The following MYO3B variants were observed in gnomAD, a reference collection of about 807,000 sequenced individuals.
MYO3B encodes myosin IIIB.
A neutral mutation model predicts 174.6 loss-of-function variants in MYO3B; 156 were observed. The ratio of observed to expected loss-of-function variants is 0.89; its 90% CI spans 0.78 to 1.02. The LOEUF (loss-of-function observed/expected upper bound fraction) is 1.02, where lower values mean the gene tolerates loss of function less well. Among genes scored for constraint, MYO3B ranks in the 50% least tolerant of loss-of-function variants. MYO3B has a pLI of 0.00. For synonymous variants in MYO3B, 563 were observed against 569.1 expected, an observed-to-expected ratio of 0.99 and a Z score of 0.15; for missense variants, 1,632 against 1,639.4, an observed-to-expected ratio of 1.00 and a Z score of 0.08.
At chr2:170,463,530 T>C (rs1427583436) in intron 24 of MYO3B, 85 bp downstream of exon 24, 17 of 1,181,942 alleles carry the variant, frequency 1.4e-5, no homozygotes, top group East Asian at 5.0e-5. Flanking sequence ...ATGGAGTCAG[T>C]GAAACAAGGG....
intron 16 of MYO3B, among the ~76,000 whole-genome samples, chr2:170,396,626 G>A (rs553270813): frequency 1.3e-5 from 2 of 152,096 alleles, no homozygotes; most frequent in East Asian, 3.9e-4. Flanking sequence ...TTTTTCTCAG[G>A]GTCATAGATA....
chr2:170,348,900 G>A (rs964714352), intron 8 of MYO3B, among the ~76,000 whole-genome samples: 2 of 152,154 alleles, frequency 1.3e-5, no homozygotes, highest in African/African-American at 4.8e-5. Context: ...CATCTTATAG[G>A]GGCCAAGTGT....
chr2:170,345,708 T>C (rs981424020), intron 8 of MYO3B, among the ~76,000 whole-genome samples: 7 of 151,560 alleles, frequency 4.6e-5, no homozygotes, highest in Non-Finnish European at 1.0e-4. Flanking sequence ...GTTGATGTTC[T>C]CATCCTCAAT....
chr2:170,485,345 G>T (rs13423548), intron 25 of MYO3B, among the ~76,000 whole-genome samples: 1 of 149,894 alleles, frequency 6.7e-6, no homozygotes, highest in Admixed American at 6.7e-5. Context: ...GCCCAATGAT[G>T]CCCCCTCTCT....
At chr2:170,197,248 T>C (rs1310208801) in intron 1 of MYO3B, among the ~76,000 whole-genome samples, 1 of 152,204 alleles carries the variant, frequency 6.6e-6, no homozygotes, top group African/African-American at 2.4e-5. Flanking sequence ...GGAGATTGAT[T>C]TGAGTAATAA....
intron 28 of MYO3B, among the ~76,000 whole-genome samples, chr2:170,507,252 C>T (rs1293215917): frequency 6.6e-6 from 1 of 152,156 alleles, no homozygotes; most frequent in Non-Finnish European, 1.5e-5. Flanking sequence ...TCCCCATCCG[C>T]CTACCCCCCC....
At chr2:170,617,505 G>C (rs1169850580) in intron 32 of MYO3B, among the ~76,000 whole-genome samples, 2 of 152,156 alleles carry the variant, frequency 1.3e-5, no homozygotes, top group Non-Finnish European at 2.9e-5. Context: ...TCCATATAGA[G>C]AGTATATACA....
At chr2:170,579,754 A>G (rs1376128531) in intron 32 of MYO3B, among the ~76,000 whole-genome samples, 1 of 152,168 alleles carries the variant, frequency 6.6e-6, no homozygotes, top group Non-Finnish European at 1.5e-5. Flanking sequence ...TCTTGGAGCC[A>G]TTGGCACTAC....
chr2:170,226,648 G>T (rs923958901), intron 6 of MYO3B, among the ~76,000 whole-genome samples: 5 of 152,118 alleles, frequency 3.3e-5, no homozygotes, highest in Non-Finnish European at 5.9e-5. Flanking sequence ...AGGAGGTGGT[G>T]ATATGTTATT....
chr2:170,371,657 A>G lies in MYO3B; in HGVS notation c.971+2280A>G, dbSNP rs140858541. On this transcript the variant is annotated intron_variant, in intron 9 of 34. Coordinates refer to ENST00000408978, the MANE Select transcript of MYO3B (RefSeq NM_138995.5). The stretch of plus-strand genomic sequence containing the variant: ...TATCATTCCATGCTGATAAATCAAT[A>G]TATTTAAAGCTGTGGTTTTTCAAGT... 3.2e-3 allele frequency among the ~76,000 whole-genome samples: 475 copies of G among 150,708 alleles called. 1 individual carries two copies. The highest frequency in any genetic ancestry group is 0.011 in the African/African-American group (461 of 40,624).
intron 22 of MYO3B, among the ~76,000 whole-genome samples, chr2:170,412,642 C>T (rs9287938): frequency 0.95 from 144,408 of 152,274 alleles, 68,883 homozygotes; most frequent in East Asian, 1. Flanking sequence ...GTCAGTTTTC[C>T]GAGTCCTGAT....
chr2:170,510,519 T>G (rs1687910147), intron 28 of MYO3B, among the ~76,000 whole-genome samples: 1 of 152,174 alleles, frequency 6.6e-6, no homozygotes, highest in Non-Finnish European at 1.5e-5. Context: ...GTTTGACTAG[T>G]GATATCCCAA....
intron 30 of MYO3B, among the ~76,000 whole-genome samples, chr2:170,540,953 T>C (rs928811823): frequency 6.6e-6 from 1 of 152,178 alleles, no homozygotes; most frequent in Non-Finnish European, 1.5e-5. Context: ...GCTAATCTAG[T>C]ATTTTCTAAT....
intron 7 of MYO3B, among the ~76,000 whole-genome samples, chr2:170,311,384 A>C (rs947960455): frequency 6.6e-6 from 1 of 151,520 alleles, no homozygotes; most frequent in Non-Finnish European, 1.5e-5. Context: ...ACATGTTTTC[A>C]TGTGCTTCTT....
At chr2:170,473,399 G>A (rs1167985973) in intron 25 of MYO3B, among the ~76,000 whole-genome samples, 1 of 151,940 alleles carries the variant, frequency 6.6e-6, no homozygotes, top group Non-Finnish European at 1.5e-5. Context: ...GCCTGCCTCG[G>A]CCTCCCAAAG....
chr2:170,444,377 C>T (rs1041409718), intron 23 of MYO3B, among the ~76,000 whole-genome samples: 3 of 152,216 alleles, frequency 2.0e-5, no homozygotes, highest in Non-Finnish European at 4.4e-5. Flanking sequence ...TTTCCTATTG[C>T]TCTCCTTTGC....
chr2:170,495,136 A>G (rs1686780875), intron 25 of MYO3B, among the ~76,000 whole-genome samples: 1 of 152,184 alleles, frequency 6.6e-6, no homozygotes, highest in Non-Finnish European at 1.5e-5. Context: ...TACATTTATT[A>G]TTTTGCTGTT....
At chr2:170,291,574 T>A (rs1166600671) in intron 7 of MYO3B, among the ~76,000 whole-genome samples, 1 of 152,332 alleles carries the variant, frequency 6.6e-6, no homozygotes, top group South Asian at 2.1e-4. Context: ...TTCTTTTAGA[T>A]AGAATAACTC....
chr2:170,184,409 A>C (rs2092438909), intron 1 of MYO3B, among the ~76,000 whole-genome samples: 1 of 152,164 alleles, frequency 6.6e-6, no homozygotes, highest in Non-Finnish European at 1.5e-5. Flanking sequence ...TTTAATATTT[A>C]GCTTTCACAA....
Sources: allele counts gnomAD v4.1 joint callset (sites outside exome capture counted in the v4.1 genomes callset), GRCh38; gene constraint gnomAD v4.1.1; transcripts MANE v1.5; gene names NCBI Gene and HGNC (gene_info 2026-07-23, HGNC 2026-07-21).